DAB1: variants seen among roughly 807,000 people sequenced by gnomAD.
The protein encoded by DAB1 is DAB adaptor protein 1.
In DAB1, 15 loss-of-function variants were observed where a neutral mutation model predicts 64.6. The observed-to-expected ratio is 0.23, with a 90% CI of 0.16 to 0.36. The LOEUF is 0.36. Ranked by LOEUF, DAB1 falls within the 10% of genes least tolerant of loss-of-function variation. The pLI is 1.00. For synonymous variants in DAB1, 235 were observed against 251.9 expected (o/e 0.93, Z 0.64); for missense variants, 596 against 706.7 (o/e 0.84, Z 1.78).
chr1:58,522,771 G>T lies in DAB1; in HGVS notation n.107+4490C>A, dbSNP rs541970143. Among the ~76,000 whole-genome samples, 8 of 152,246 alleles carry T rather than the reference G, an allele frequency of 5.3e-5. No homozygotes were observed. The East Asian group carries it at 9.6e-4, about 18-fold the overall frequency. On this transcript the variant is annotated intron_variant and non_coding_transcript_variant, in intron 2 of 20. Coordinates refer to the DAB1 transcript ENST00000485760. The stretch of plus-strand genomic sequence containing the variant: ...ATACTGTATTCTTACAATAAAATAA[G>T]CTAGAGAAAGGAAAATGTTATTAAG...
intron 5 of DAB1, among the ~76,000 whole-genome samples, chr1:58,090,403 G>A (rs1320630820): frequency 2.0e-5 from 3 of 152,128 alleles, no homozygotes; most frequent in Admixed American, 1.3e-4. Context: ...ACTCTTGGTC[G>A]CAAGAACACT....
chr1:58,539,177 G>C, intron 1 of DAB1: 1 of 872,926 alleles, frequency 1.1e-6, no homozygotes, highest in Non-Finnish European at 2.0e-6. Flanking sequence ...ACTTGTACTT[G>C]ATGACAGCCC....
At chr1:57,708,992 T>G (rs542241509) in intron 6 of DAB1, among the ~76,000 whole-genome samples, 267 of 152,258 alleles carry the variant, frequency 1.8e-3, no homozygotes, top group Non-Finnish European at 2.9e-3. Context: ...GCTCTATTTG[T>G]CCATCTGGTT....
chr1:57,401,595 T>A (rs185502191), intron 1 of DAB1, among the ~76,000 whole-genome samples: 1 of 152,270 alleles, frequency 6.6e-6, no homozygotes, highest in African/African-American at 2.4e-5. Context: ...TATGAAGATA[T>A]GAAAGCATCA....
intron 2 of DAB1, among the ~76,000 whole-genome samples, chr1:57,202,729 A>G (rs1298034856): frequency 6.6e-6 from 1 of 152,206 alleles, no homozygotes; most frequent in African/African-American, 2.4e-5. Flanking sequence ...CCTGTAATCA[A>G]GTTATCACAC....
intron 2 of DAB1, 103 bp downstream of exon 2, chr1:57,290,861 T>C: frequency 1.6e-6 from 1 of 628,260 alleles, no homozygotes; most frequent in Non-Finnish European, 2.7e-6. Context: ...TATTTAAAAA[T>C]ATATGCAATC....
intron 12 of DAB1, among the ~76,000 whole-genome samples, chr1:57,013,042 A>C (rs1646311691): frequency 6.6e-6 from 1 of 152,188 alleles, no homozygotes; most frequent in South Asian, 2.1e-4. Context: ...TCTCGACACT[A>C]GAGGAAGGGG....
At chr1:58,229,329 T>G (rs755003955) in intron 4 of DAB1, among the ~76,000 whole-genome samples, 12 of 152,266 alleles carry the variant, frequency 7.9e-5, no homozygotes, top group Non-Finnish European at 1.6e-4. Flanking sequence ...ACGTGCATTT[T>G]GAAAAATAGG....
Position 58,297,173 on chromosome 1 carries a change from T to C in DAB1, n.309+46179A>G, listed in dbSNP as rs141853332. On this transcript the variant is annotated intron_variant and non_coding_transcript_variant, in intron 4 of 20. Transcript: ENST00000485760. ...TTTTTAAATGGTAAGCATTCAAGCT[T>C]CTTTCACTTATATTTAAGTGAAATA... is the stretch of plus-strand genomic sequence containing the variant. Among the ~76,000 whole-genome samples the C allele has an allele frequency of 1.1e-4, 16 of 152,338 alleles. No homozygotes were observed. The East Asian group carries it at 2.5e-3, about 24-fold the overall frequency.
chr1:57,126,938 A>C (rs1451757328), intron 4 of DAB1, among the ~76,000 whole-genome samples: 3 of 152,138 alleles, frequency 2.0e-5, no homozygotes, highest in Non-Finnish European at 2.9e-5. Flanking sequence ...CTTGCTTTCT[A>C]TGACACCACG....
chr1:58,310,806 G>A (rs898115167), intron 4 of DAB1, among the ~76,000 whole-genome samples: 10 of 151,978 alleles, frequency 6.6e-5, no homozygotes, highest in East Asian at 5.8e-4. Context: ...ATATTCACTC[G>A]TATAATCATT....
At chr1:57,848,378 A>C (rs1653378357) in intron 1 of DAB1, among the ~76,000 whole-genome samples, 1 of 152,250 alleles carries the variant, frequency 6.6e-6, no homozygotes, top group African/African-American at 2.4e-5. Context: ...TCTAAATCAA[A>C]TATATGAAAA....
intron 5 of DAB1, among the ~76,000 whole-genome samples, chr1:58,057,098 G>A (rs1240405119): frequency 6.6e-6 from 1 of 151,892 alleles, no homozygotes; most frequent in Non-Finnish European, 1.5e-5. Context: ...TTTCCCCTCT[G>A]GCCTCACTCA....
chr1:57,727,502 G>A (rs1647233393), intron 6 of DAB1, among the ~76,000 whole-genome samples: 1 of 152,174 alleles, frequency 6.6e-6, no homozygotes, highest in African/African-American at 2.4e-5. Flanking sequence ...AGGTAGGCCA[G>A]GCAGGGATGG....
chr1:58,329,544 G>A (rs999445681), intron 4 of DAB1, among the ~76,000 whole-genome samples: 4 of 152,078 alleles, frequency 2.6e-5, no homozygotes, highest in African/African-American at 9.7e-5. Flanking sequence ...GGCATACCTT[G>A]TATTATTGTG....
intron 4 of DAB1, among the ~76,000 whole-genome samples, chr1:57,102,501 C>T (rs1411924058): frequency 6.6e-6 from 1 of 152,170 alleles, no homozygotes; most frequent in Admixed American, 6.5e-5. Context: ...TAAATTTGCA[C>T]TTGCATGCAT....
chr1:58,276,965 C>G (rs1277204640), intron 4 of DAB1, among the ~76,000 whole-genome samples: 1 of 151,704 alleles, frequency 6.6e-6, no homozygotes, highest in Non-Finnish European at 1.5e-5. Flanking sequence ...TTGCAGAGAC[C>G]CTGTACATTT....
intron 3 of DAB1, among the ~76,000 whole-genome samples, chr1:58,470,766 C>A (rs1306122947): frequency 6.6e-6 from 1 of 152,152 alleles, no homozygotes; most frequent in Non-Finnish European, 1.5e-5. Context: ...CTTCCAGCGA[C>A]CTTCATGAAT....
At chr1:58,011,951 A>G (rs1289281240) in intron 5 of DAB1, among the ~76,000 whole-genome samples, 3 of 152,202 alleles carry the variant, frequency 2.0e-5, no homozygotes, top group African/African-American at 7.2e-5. Flanking sequence ...TCGGCCTCCC[A>G]AAGTGCTGGA....
Sources: allele counts gnomAD v4.1 joint callset (sites outside exome capture counted in the v4.1 genomes callset), GRCh38; gene constraint gnomAD v4.1.1; transcripts MANE v1.5; gene names NCBI Gene and HGNC (gene_info 2026-07-23, HGNC 2026-07-21).